The following ZNF536 variants were observed in gnomAD, a reference collection of about 807,000 sequenced individuals.
ZNF536 encodes the protein zinc finger protein 536.
In ZNF536, 13 loss-of-function variants were observed where a neutral mutation model predicts 84.5. The ratio of observed to expected loss-of-function variants is 0.15; its 90% confidence interval spans 0.10 to 0.24. The LOEUF (loss-of-function observed/expected upper bound fraction) is 0.24. Among genes scored for constraint, ZNF536 ranks in the 10% least tolerant of loss-of-function variants. ZNF536 has a pLI of 1.00. For missense variants in ZNF536, 1,536 were observed against 1,747.5 expected (o/e 0.88, Z 2.16); for synonymous variants, 811 against 742.5 (o/e 1.09, Z -1.50).
intron 2 of ZNF536, among the ~76,000 whole-genome samples, chr19:30,479,317 A>T (rs1484788047): frequency 1.1e-4 from 17 of 152,142 alleles, no homozygotes; most frequent in Admixed American, 1.1e-3. Flanking sequence ...ATGAGAATGG[A>T]GCAAGAGACT....
intron 2 of ZNF536, among the ~76,000 whole-genome samples, chr19:30,349,746 G>A (rs756906211): frequency 6.6e-6 from 1 of 151,834 alleles, no homozygotes; most frequent in Non-Finnish European, 1.5e-5. Flanking sequence ...AAGATACACA[G>A]CCATAAACAC....
chr19:30,548,291 C>A lies in ZNF536; in HGVS notation c.2672C>A (p.Pro891His), dbSNP rs372534293. 18 of 1,614,120 alleles carry A rather than the reference C, an allele frequency of 1.1e-5. No individual in the cohort carries two copies. The highest frequency in any genetic ancestry group is 6.7e-5 in the East Asian group (3 of 44,894). ...GATGCTCTGAAAGGCACTGACCTTC[C>A]TTCCAAAAGCACCCACTTCTCTGAG... is the stretch of plus-strand genomic sequence containing the variant. Reference protein sequence around the residue: ...PSDALKGTDLPSKSTHFSEIG... With the variant: ...PSDALKGTDLHSKSTHFSEIG... Residue 891 changes from proline (P) to histidine (H), a missense_variant, in exon 4 of 5, where the codon CCT (proline) becomes CAT (histidine). By Grantham distance (77) the Pro-to-His change is moderately conservative. Around this residue, in one of 8 missense-constraint regions of ZNF536, gnomAD observed 624 missense variants for 603.1 expected, o/e 1.03. Coordinates refer to ENST00000355537, the MANE Select transcript of ZNF536 (RefSeq NM_014717.3).
intron 1 of ZNF536, among the ~76,000 whole-genome samples, chr19:30,411,105 CA>C (rs928223898): frequency 2.0e-5 from 3 of 151,978 alleles, no homozygotes; most frequent in Non-Finnish European, 2.9e-5. Context: ...AAAAATGCTG[CA>C]AAAAAATTTC....
chr19:30,304,163 C>G (rs1233615266), intron 2 of ZNF536, among the ~76,000 whole-genome samples: 1 of 152,192 alleles, frequency 6.6e-6, no homozygotes. Context: ...TCCCCACCTC[C>G]CCACTATCCC....
intron 3 of ZNF536, among the ~76,000 whole-genome samples, chr19:30,355,264 G>C (rs2048056038): frequency 6.6e-6 from 1 of 152,096 alleles, no homozygotes; most frequent in Non-Finnish European, 1.5e-5. Flanking sequence ...GAGGGAAGGG[G>C]TGGGGGAGGT....
intron 2 of ZNF536, among the ~76,000 whole-genome samples, chr19:30,474,622 C>T (rs892338408): frequency 2.6e-5 from 4 of 152,138 alleles, no homozygotes; most frequent in African/African-American, 9.7e-5. Flanking sequence ...TGAAGTGGTA[C>T]ATTAAAGCAG....
Position 30,549,141 on chromosome 19 carries a change from G to A in ZNF536, c.3522G>A (p.Lys1174=), listed in dbSNP as rs776443375. The A allele has an allele frequency of 9.9e-6, 16 of 1,614,104 alleles. No homozygotes were observed. The highest frequency in any genetic ancestry group is 1.4e-5 in the Non-Finnish European group (16 of 1,180,040). The part of the protein sequence containing the change: ...IASSEDMDSS[K]GENNDEEDVE... ...CCTCAGAGGACATGGACTCCTCCAAGGGGGAGAACAACGATGAAGAGGATG... is the reference window on the plus strand; with the variant it reads ...CCTCAGAGGACATGGACTCCTCCAAAGGGGAGAACAACGATGAAGAGGATG... The change falls in exon 4 of 5, where the codon AAG becomes AAA. Residue 1174 remains lysine (K), a synonymous_variant. Transcript: ENST00000355537.
intron 2 of ZNF536, among the ~76,000 whole-genome samples, chr19:30,489,030 C>T (rs538933140): frequency 1.3e-4 from 20 of 152,240 alleles, no homozygotes; most frequent in African/African-American, 4.8e-4. Flanking sequence ...ACTGGCCTGC[C>T]CAAGGTATCT....
chr19:30,277,676 C>T (rs914198624), intron 1 of ZNF536, among the ~76,000 whole-genome samples: 2 of 152,252 alleles, frequency 1.3e-5, no homozygotes, highest in Non-Finnish European at 2.9e-5. Flanking sequence ...CATACCCACA[C>T]ACACACTCAT....
chr19:30,659,079 C>G (rs2050022493), intron 1 of ZNF536, among the ~76,000 whole-genome samples: 1 of 152,132 alleles, frequency 6.6e-6, no homozygotes, highest in Non-Finnish European at 1.5e-5. Context: ...GATTCTTGAA[C>G]TCTTTGGCAA....
intron 2 of ZNF536, among the ~76,000 whole-genome samples, chr19:30,515,547 C>T (rs976753911): frequency 1.4e-4 from 21 of 152,240 alleles, no homozygotes; most frequent in Non-Finnish European, 2.9e-4. Context: ...GGATCTCAGA[C>T]AGCGCTCTAT....
chr19:30,240,143 C>A (rs976236367), intron 1 of ZNF536, among the ~76,000 whole-genome samples: 1 of 151,896 alleles, frequency 6.6e-6, no homozygotes, highest in African/African-American at 2.4e-5. Context: ...CCGAGGCGAG[C>A]AGATCTGTTG....
At chr19:30,230,633 C>T (rs1194153227) in intron 1 of ZNF536, among the ~76,000 whole-genome samples, 1 of 152,190 alleles carries the variant, frequency 6.6e-6, no homozygotes, top group African/African-American at 2.4e-5. Context: ...CCCGACTTCC[C>T]ACAGTTGCCC....
At chr19:30,295,655 C>CGCAGAG (rs2045973786) in intron 2 of ZNF536, among the ~76,000 whole-genome samples, 3 of 152,276 alleles carry the variant, frequency 2.0e-5, no homozygotes, top group Non-Finnish European at 4.4e-5. Flanking sequence ...CTCCAGGACA[C>CGCAGAG]GCAGAGCCCT....
rs2052270969 is a variant in ZNF536 at position 30,445,320 on chromosome 19, T to G, written c.1758T>G (p.Thr586=). Residue 586 remains threonine (T), a synonymous_variant, in exon 2 of 5, where the codon ACT becomes ACG. Transcript: ENST00000355537. The surrounding 1 kb of genome is among the most constrained non-coding windows in gnomAD (Gnocchi z 4.5). The stretch of plus-strand genomic sequence containing the variant: ...TGCCTGCTGATTTGGTTCACAGCAC[T>G]AAAGTGGGCAGCCAGAGAGACCTGC... ...QKMPADLVHS[T]KVGSQRDLPS... is the part of the protein sequence containing the mutation. 1 of 1,614,036 alleles carries G rather than the reference T, an allele frequency of 6.2e-7. No homozygotes were observed. The highest frequency in any genetic ancestry group is 1.3e-5 in the African/African-American group (1 of 74,912).
At chr19:30,430,476 A>G (rs2051406282) in intron 1 of ZNF536, among the ~76,000 whole-genome samples, 1 of 152,130 alleles carries the variant, frequency 6.6e-6, no homozygotes, top group African/African-American at 2.4e-5. Flanking sequence ...AATGTAGAAG[A>G]CACTGTTCGG....
chr19:30,474,920 C>A lies in ZNF536; in HGVS notation c.2170+29188C>A, dbSNP rs151093645. Among the ~76,000 whole-genome samples, 478 of 150,620 alleles carry A rather than the reference C, an allele frequency of 3.2e-3. 2 individuals carry two copies. The highest frequency in any genetic ancestry group is 0.011 in the African/African-American group (458 of 40,982). ...AGCCTCCTGCTGTGCATTCTCCCCC[C>A]ACATCCCCCCTTTCCTCTCTCCTAC... is the stretch of plus-strand genomic sequence containing the variant. On this transcript the variant is annotated intron_variant, in intron 2 of 4. Coordinates refer to ENST00000355537, the MANE Select transcript of ZNF536 (RefSeq NM_014717.3).
At chr19:30,498,448 TGGG>T (rs1350891087) in intron 2 of ZNF536, among the ~76,000 whole-genome samples, 1 of 150,812 alleles carries the variant, frequency 6.6e-6, no homozygotes, top group South Asian at 2.1e-4. Flanking sequence ...GGGAGTGGGG[TGGG>T]GGGACGGAGA....
At chr19:30,458,144 C>T (rs923594060) in intron 2 of ZNF536, among the ~76,000 whole-genome samples, 2 of 152,216 alleles carry the variant, frequency 1.3e-5, no homozygotes, top group Admixed American at 1.3e-4. Flanking sequence ...CCGGGCCCCA[C>T]ACACATTTTC....
Sources: allele counts gnomAD v4.1 joint callset (sites outside exome capture counted in the v4.1 genomes callset), GRCh38; gene constraint gnomAD v4.1.1; regional missense constraint gnomAD v4.1.1; non-coding constraint Gnocchi (gnomAD v3.1); transcripts MANE v1.5; gene names NCBI Gene and HGNC (gene_info 2026-07-23, HGNC 2026-07-21).